Variants in RNF212 observed in about 807,000 individuals in gnomAD.
The protein encoded by RNF212 is probable E3 SUMO-protein ligase RNF212.
RNF212 carries 33 observed loss-of-function variants against 34.7 expected under a neutral mutation model. The ratio of observed to expected loss-of-function variants is 0.95; its 90% CI spans 0.72 to 1.27. The LOEUF is 1.27. RNF212 is among the 50% of genes most tolerant of loss of function. The probability of loss-of-function intolerance (pLI) is 0.00; values close to 1 mark genes in which losing one functional copy is unlikely to be tolerated. For missense variants in RNF212, 377 were observed against 362.2 expected (o/e 1.04, Z -0.33); for synonymous variants, 140 against 136.1 (o/e 1.03, Z -0.20).
downstream of RNF212, among the ~76,000 whole-genome samples, chr4:1,068,587 G>A (rs1391419117): frequency 1.3e-5 from 2 of 152,130 alleles, no homozygotes; most frequent in Admixed American, 6.5e-5. Flanking sequence ...GTTATGTTTT[G>A]TAAGGTAATG....
chr4:1,057,225 G>A (rs751511830), intron 4 of RNF212, among the ~76,000 whole-genome samples: 2 of 152,168 alleles, frequency 1.3e-5, no homozygotes, highest in Non-Finnish European at 2.9e-5. Flanking sequence ...CCAGGCCAGC[G>A]GGGACGGGAG....
intron 7 of RNF212, 46 bp downstream of exon 7, chr4:1,081,373 C>G: frequency 1.9e-6 from 3 of 1,562,726 alleles, no homozygotes; most frequent in African/African-American, 1.4e-5. Context: ...GGTGCAGAAT[C>G]GGAAAGACCT....
chr4:1,077,652 G>C (rs1388232529), intron 8 of RNF212, among the ~76,000 whole-genome samples: 1 of 152,230 alleles, frequency 6.6e-6, no homozygotes, highest in Non-Finnish European at 1.5e-5. Flanking sequence ...TGGAGGCTGT[G>C]AGTTCATCCG....
rs956321740 is a variant in RNF212, at chr4:1,102,371, G to A, written c.172-5532C>T. Among the ~76,000 whole-genome samples the A allele has an allele frequency of 3.3e-5, 5 of 152,112 alleles. No individual in the cohort carries two copies. In the East Asian group the frequency reaches 5.8e-4, roughly 18 times the overall value. On this transcript the variant is annotated intron_variant, in intron 2 of 9. Transcript: ENST00000433731. ...CTTGTAGAACCTGCATACAGGAAAC[G>A]TCAGCCCTCCATCTGAGCAGGTTTT...
At chr4:1,095,083 C>T (rs78045754) in intron 3 of RNF212, among the ~76,000 whole-genome samples, 3,643 of 151,170 alleles carry the variant, frequency 0.024, 80 homozygotes, top group East Asian at 0.14. Flanking sequence ...TGGCTCATCA[C>T]GGAACCAAGC....
intron 4 of RNF212, among the ~76,000 whole-genome samples, chr4:1,090,503 C>A (rs1722015321): frequency 6.6e-6 from 1 of 152,200 alleles, no homozygotes; most frequent in Non-Finnish European, 1.5e-5. Flanking sequence ...CCCAAGGCCC[C>A]AGTGTTGCCC....
chr4:1,079,221 G>A (rs1025147951), intron 8 of RNF212, among the ~76,000 whole-genome samples: 4 of 150,272 alleles, frequency 2.7e-5, no homozygotes, highest in Admixed American at 2.0e-4. Context: ...AGTCAACACA[G>A]GACCAACATG....
intron 4 of RNF212, among the ~76,000 whole-genome samples, chr4:1,057,445 G>C (rs1055623278): frequency 4.6e-5 from 7 of 152,194 alleles, no homozygotes; most frequent in Admixed American, 2.0e-4. Context: ...GCCACCCAGA[G>C]GTCTGAGAAG....
At chr4:1,083,560 C>G (rs1720688571) in intron 5 of RNF212, among the ~76,000 whole-genome samples, 1 of 152,164 alleles carries the variant, frequency 6.6e-6, no homozygotes, top group Admixed American at 6.5e-5. Context: ...ATCGCTTGAA[C>G]CCGGCAGGCG....
At position 1,088,039 on chromosome 4, in the gene RNF212, C is replaced by T. The variant is rs79277426; in HGVS notation, c.304-2085G>A. On this transcript the variant is annotated intron_variant, in intron 4 of 9. Transcript: ENST00000433731. ...TTGGTACCAGTAGAGTGGGGCACTG[C>T]TATAAATGTAACTAAAAATGTGGAA... Among the ~76,000 whole-genome samples the T allele has an allele frequency of 8.3e-4, 127 of 152,194 alleles. 1 individual carries two copies. Among genetic ancestry groups the T allele is most frequent in the African/African-American group, 3.0e-3 (126 of 41,508 alleles).
At chr4:1,087,575 G>C (rs1721529519) in intron 4 of RNF212, among the ~76,000 whole-genome samples, 1 of 150,242 alleles carries the variant, frequency 6.7e-6, no homozygotes, top group Non-Finnish European at 1.5e-5. Context: ...GGGTGTGACA[G>C]GAGCAGGGAG....
intron 5 of RNF212, among the ~76,000 whole-genome samples, chr4:1,084,403 T>C (rs569282406): frequency 7.9e-5 from 12 of 152,142 alleles, no homozygotes; most frequent in Non-Finnish European, 1.0e-4. Context: ...CTTCTAGAAA[T>C]GTAAAAGCCA....
In RNF212 at chr4:1,109,404, G is replaced by C. The variant is rs1725313115; in HGVS notation, c.110-1000C>G. On this transcript the variant is annotated intron_variant, in intron 1 of 9. Transcript: ENST00000433731. Reference sequence around the variant, plus strand: ...TTCTCACTAGTCAACTTGGAGCCCAGGGCTGACCAGGCACTATGAGCCTTC... The same window carrying C: ...TTCTCACTAGTCAACTTGGAGCCCACGGCTGACCAGGCACTATGAGCCTTC... Among the ~76,000 whole-genome samples the C allele has an allele frequency of 2.6e-5, 4 of 152,160 alleles. 1 individual carries two copies. Among genetic ancestry groups the C allele is most frequent in the Admixed American group, 2.6e-4 (4 of 15,278 alleles).
chr4:1,112,169 C>T (rs1291439745), intron 1 of RNF212, among the ~76,000 whole-genome samples: 1 of 152,156 alleles, frequency 6.6e-6, no homozygotes, highest in East Asian at 1.9e-4. Context: ...ATCCCGCCAC[C>T]GAACTCCAGC....
rs1430492072 is a variant in RNF212, at chr4:1,060,108, AAAAAAG to A, written n.148-1721_148-1716del. ...GAGCGAAACTCCATCAAAAAAAAAA[AAAAAAG>A]AAAAAAGAAATTGTTTCCTATTTAC... On this transcript the variant is annotated intron_variant and non_coding_transcript_variant, in intron 3 of 4. Coordinates refer to the RNF212 transcript ENST00000503206. 9.9e-4 allele frequency among the ~76,000 whole-genome samples: 132 copies of A among 133,284 alleles called. 2 individuals are homozygous for A. Among genetic ancestry groups the A allele is most frequent in the African/African-American group, 3.5e-3 (115 of 33,222 alleles). The allele number at this position is 133,284 out of a possible 152,430, so 87.4% of individuals were successfully genotyped here.
chr4:1,101,160 C>T (rs969341641), intron 2 of RNF212: 1 of 184,900 alleles, frequency 5.4e-6, no homozygotes, highest in African/African-American at 2.3e-5. Flanking sequence ...TGTGGAGTGA[C>T]TGCGACCCCT....
rs895870069 is a variant in RNF212 at position 1,103,831 on chromosome 4, C to T, written c.171+4512G>A. ...CCTGAAATTAGGAAAATGACGAGGGCGCCAGCTAATGCCACCGTTTCTCCT... is the reference window on the plus strand; with the variant it reads ...CCTGAAATTAGGAAAATGACGAGGGTGCCAGCTAATGCCACCGTTTCTCCT... On this transcript the variant is annotated intron_variant, in intron 2 of 9. Coordinates refer to ENST00000433731, the MANE Select transcript of RNF212 (RefSeq NM_001131034.4). Among the ~76,000 whole-genome samples, 8 of 152,214 alleles carry T rather than the reference C, an allele frequency of 5.3e-5. No homozygotes were observed. The South Asian group carries it at 1.0e-3, about 20-fold the overall frequency.
chr4:1,081,333 G>A, intron 7 of RNF212, 86 bp downstream of exon 7: 1 of 1,150,612 alleles, frequency 8.7e-7, no homozygotes, highest in Non-Finnish European at 1.3e-6. Flanking sequence ...TGGGGGCTTG[G>A]AGAGGGGGTG....
intron 8 of RNF212, among the ~76,000 whole-genome samples, chr4:1,077,640 C>A (rs1719538561): frequency 2.0e-5 from 3 of 152,218 alleles, no homozygotes; most frequent in Non-Finnish European, 4.4e-5. Context: ...GCTGTGGGGA[C>A]TTGGAGGCTG....
Sources: gnomAD v4.1 joint callset for allele counts (sites outside exome capture counted in the v4.1 genomes callset) on GRCh38, gnomAD v4.1.1 for gene constraint, MANE v1.5 for transcripts, NCBI Gene and HGNC (gene_info 2026-07-23, HGNC 2026-07-21) for gene names.